Variants in ANO3 observed in about 807,000 individuals in gnomAD.
ANO3 encodes the protein anoctamin 3, also known as anoctamin-3.
In ANO3, 99 loss-of-function variants were observed where a neutral mutation model predicts 144.8. The observed-to-expected ratio is 0.68, with a 90% CI of 0.58 to 0.81. ANO3 has a LOEUF of 0.81. Among genes scored for constraint, ANO3 ranks in the 30% least tolerant of loss-of-function variants. The pLI is 0.00. For missense variants in ANO3, 905 were observed against 1,202.2 expected, an observed-to-expected ratio of 0.75 and a Z score of 3.66; for synonymous variants, 414 against 392.6, an observed-to-expected ratio of 1.05 and a Z score of -0.64.
chr11:26,354,218 T>C (rs1352518096), intron 1 of ANO3, among the ~76,000 whole-genome samples: 1 of 152,164 alleles, frequency 6.6e-6, no homozygotes, highest in Non-Finnish European at 1.5e-5. Context: ...CGTACAGAAT[T>C]GAAAAAATCT....
At chr11:26,574,974 A>C (rs1228387639) in intron 14 of ANO3, among the ~76,000 whole-genome samples, 1 of 152,124 alleles carries the variant, frequency 6.6e-6, no homozygotes, top group Non-Finnish European at 1.5e-5. Flanking sequence ...AACTAAAAAT[A>C]ACTTTAAAGG....
At chr11:26,320,121 G>A (rs1590257702) in intron 1 of ANO3, among the ~76,000 whole-genome samples, 1 of 152,154 alleles carries the variant, frequency 6.6e-6, no homozygotes, top group African/African-American at 2.4e-5. Flanking sequence ...ACAAGCTATT[G>A]CCTCTCTACC....
At chr11:26,640,750 T>C (rs1853122232) in intron 21 of ANO3, among the ~76,000 whole-genome samples, 1 of 152,060 alleles carries the variant, frequency 6.6e-6, no homozygotes, top group East Asian at 1.9e-4. Flanking sequence ...CTTCCCGATA[T>C]CTAGGAAAAG....
chr11:26,438,107 A>G (rs1385451034), intron 1 of ANO3, among the ~76,000 whole-genome samples: 1 of 152,198 alleles, frequency 6.6e-6, no homozygotes, highest in Non-Finnish European at 1.5e-5. Flanking sequence ...CCTCAGTGCT[A>G]AAGCCAGTAT....
chr11:26,623,790 A>G (rs1852492111), intron 17 of ANO3, among the ~76,000 whole-genome samples: 1 of 150,958 alleles, frequency 6.6e-6, no homozygotes, highest in African/African-American at 2.4e-5. Flanking sequence ...TTTTATTTTT[A>G]TTTATTTTTT....
At chr11:26,316,685 A>G (rs1374817361) in intron 1 of ANO3, among the ~76,000 whole-genome samples, 1 of 152,180 alleles carries the variant, frequency 6.6e-6, no homozygotes, top group Non-Finnish European at 1.5e-5. Context: ...GCCCTATCTT[A>G]TCCATATGAA....
chr11:26,591,790 A>G (rs914103292), intron 14 of ANO3, among the ~76,000 whole-genome samples: 2 of 152,146 alleles, frequency 1.3e-5, no homozygotes, highest in African/African-American at 4.8e-5. Context: ...GCAGGTGCAG[A>G]TCCTCTAGAG....
At chr11:26,567,142 G>A in intron 14 of ANO3, 2 of 1,399,182 alleles carry the variant, frequency 1.4e-6, no homozygotes, top group African/African-American at 1.5e-5. Flanking sequence ...AACAGAAGCT[G>A]GAAAATGGAA....
intron 1 of ANO3, among the ~76,000 whole-genome samples, chr11:26,377,578 T>C (rs1856448517): frequency 6.6e-6 from 1 of 152,050 alleles, no homozygotes. Context: ...AATGAGAAAT[T>C]TTAACATGTC....
intron 1 of ANO3, among the ~76,000 whole-genome samples, chr11:26,414,925 A>C (rs1340425344): frequency 6.6e-6 from 1 of 151,976 alleles, no homozygotes; most frequent in African/African-American, 2.4e-5. Flanking sequence ...AAAATTGTTC[A>C]TGATTTAGTG....
At chr11:26,229,280 CA>C (rs1342658601) in intron 1 of ANO3, among the ~76,000 whole-genome samples, 3 of 152,200 alleles carry the variant, frequency 2.0e-5, no homozygotes, top group Non-Finnish European at 4.4e-5. Flanking sequence ...AATTCTCCAA[CA>C]TAATCATAAT....
chr11:26,248,697 C>G (rs1371654944), intron 1 of ANO3, among the ~76,000 whole-genome samples: 3 of 152,116 alleles, frequency 2.0e-5, no homozygotes, highest in Non-Finnish European at 4.4e-5. Flanking sequence ...TTCTGGTATT[C>G]TTTGTTCTGT....
intron 17 of ANO3, among the ~76,000 whole-genome samples, chr11:26,608,405 TCTCA>T (rs1240210469): frequency 2.0e-5 from 3 of 152,044 alleles, no homozygotes; most frequent in African/African-American, 4.8e-5. Flanking sequence ...TGCTGGAGGG[TCTCA>T]CTCAGTTGGG....
At chr11:26,233,248 C>T (rs1174805348) in intron 1 of ANO3, among the ~76,000 whole-genome samples, 1 of 150,762 alleles carries the variant, frequency 6.6e-6, no homozygotes, top group Admixed American at 6.6e-5. Context: ...AAGAAATTTA[C>T]TAGAAAAAAA....
chr11:26,442,338 T>G (rs1413943100), intron 2 of ANO3, among the ~76,000 whole-genome samples: 1 of 152,192 alleles, frequency 6.6e-6, no homozygotes, highest in Non-Finnish European at 1.5e-5. Context: ...AATATTTGTT[T>G]GCAGTGGAAG....
At chr11:26,346,447 T>C (rs1855497314) in intron 1 of ANO3, among the ~76,000 whole-genome samples, 2 of 152,214 alleles carry the variant, frequency 1.3e-5, no homozygotes, top group Admixed American at 1.3e-4. Context: ...CTACTTGTTT[T>C]ACCATCTCAA....
At chr11:26,206,978 C>T (rs898769085) in intron 1 of ANO3, among the ~76,000 whole-genome samples, 2 of 151,948 alleles carry the variant, frequency 1.3e-5, no homozygotes, top group African/African-American at 2.4e-5. Flanking sequence ...GCAAATATTA[C>T]GTGATATCAT....
rs369531598 is a variant in ANO3 at position 26,443,400 on chromosome 11, G to A, written c.242-365G>A. On this transcript the variant is annotated intron_variant, in intron 2 of 26. Transcript: ENST00000256737. ...GCAGATCACTTGAGGCCAGGAGTTC[G>A]AGACCAGCCTGGCCAAGATGGTGAA... is the stretch of plus-strand genomic sequence containing the variant. 6.9e-4 allele frequency among the ~76,000 whole-genome samples: 105 copies of A among 152,050 alleles called. 1 individual carries two copies. The South Asian group carries it at 0.02, about 29-fold the overall frequency.
intron 1 of ANO3, among the ~76,000 whole-genome samples, chr11:26,403,673 A>G (rs1422138482): frequency 6.6e-6 from 1 of 151,878 alleles, no homozygotes; most frequent in Non-Finnish European, 1.5e-5. Context: ...ATGACTTATC[A>G]TCTCAGAAAG....
Sources: gnomAD v4.1 joint callset for allele counts (sites outside exome capture counted in the v4.1 genomes callset) on GRCh38, gnomAD v4.1.1 for gene constraint, MANE v1.5 for transcripts, NCBI Gene and HGNC (gene_info 2026-07-23, HGNC 2026-07-21) for gene names.